USP1: variants seen among roughly 807,000 people sequenced by gnomAD.
The protein encoded by USP1 is ubiquitin carboxyl-terminal hydrolase 1.
Under a neutral mutation model 72.2 loss-of-function variants are expected in USP1, and 18 were observed. The ratio of observed to expected loss-of-function variants is 0.25; its 90% CI spans 0.17 to 0.37. USP1 has a LOEUF of 0.37. Among genes scored for constraint, USP1 ranks in the 10% least tolerant of loss-of-function variants. The pLI is 1.00. For missense variants in USP1, 759 were observed against 884.9 expected, an observed-to-expected ratio of 0.86 and a Z score of 1.81; for synonymous variants, 354 against 303.7, an observed-to-expected ratio of 1.17 and a Z score of -1.72.
At position 62,440,810 on chromosome 1, in the gene USP1, G is replaced by GT. The variant is rs879438380; in HGVS notation, c.171-671dup. 7.7e-3 allele frequency among the ~76,000 whole-genome samples: 1,168 copies of GT among 151,616 alleles called. 8 individuals are homozygous for GT. The highest frequency in any genetic ancestry group is 0.012 in the Non-Finnish European group (814 of 67,908). ...ATGAAAATATTGGAAGGACCTAGTG[G>GT]TTTTTTTGTTGTTGTTGTTAAAGAA... On this transcript the variant is annotated intron_variant, in intron 2 of 8. Coordinates refer to ENST00000339950, the MANE Select transcript of USP1 (RefSeq NM_003368.5).
intron 7 of USP1, among the ~76,000 whole-genome samples, chr1:62,448,108 A>G (rs577384004): frequency 6.6e-5 from 10 of 152,300 alleles, no homozygotes; most frequent in African/African-American, 2.2e-4. Context: ...TTTTAACACA[A>G]TAATTGAGCC....
In USP1 at chr1:62,439,894, T is replaced by A. The variant is rs780740444; in HGVS notation, c.27T>A (p.Ser9Arg). MPGVIPSE[S>R]NGLSRGSPSK... is the part of the protein sequence containing the mutation. ...TGCCTGGTGTCATACCTAGTGAAAG[T>A]AATGGACTTTCAAGAGGTAGCCCTT... is the stretch of plus-strand genomic sequence containing the variant. The change falls in exon 2 of 9, where the codon AGT becomes AGA. Residue 9 changes from serine to arginine, a missense_variant. Physicochemically the swap from Ser to Arg is moderately radical, Grantham distance 110. Coordinates refer to ENST00000339950, the MANE Select transcript of USP1 (RefSeq NM_003368.5). The A allele has an allele frequency of 6.6e-7, 1 of 1,517,748 alleles. No individual in the cohort carries two copies. Among genetic ancestry groups the A allele is most frequent in the South Asian group, 1.3e-5 (1 of 74,514 alleles). 94.0% of individuals were successfully genotyped at this position (1,517,748 alleles called of 1,614,324 possible). A position where few individuals can be genotyped will look rare whatever the true frequency, so the allele number is the denominator to read the frequency against.
intron 7 of USP1, among the ~76,000 whole-genome samples, chr1:62,447,815 C>T (rs1033537289): frequency 3.3e-5 from 5 of 152,024 alleles, no homozygotes; most frequent in Non-Finnish European, 7.4e-5. Flanking sequence ...GAGATGGAGT[C>T]TTGCTCGGTT....
upstream of USP1, chr1:62,436,775 A>C (rs950455568): frequency 4.5e-6 from 1 of 224,072 alleles, no homozygotes; most frequent in African/African-American, 2.3e-5. Flanking sequence ...GGCCGCTAGC[A>C]CCTCGCGCGC....
rs759479206 is a variant in USP1, at chr1:62,450,512, A to T, written c.1889A>T (p.Glu630Val). 1 of 1,614,106 alleles carries T rather than the reference A, an allele frequency of 6.2e-7. No homozygotes were observed. Among genetic ancestry groups the T allele is most frequent in the South Asian group, 1.1e-5 (1 of 91,082 alleles). ...EIGKPEPLNE[E>V]EARGVVENYN... Reference sequence around the variant, plus strand: ...GGTAAGCCAGAACCATTGAATGAGGAGGAAGCAAGGGGTGTGGTTGAGAAT... The same window carrying T: ...GGTAAGCCAGAACCATTGAATGAGGTGGAAGCAAGGGGTGTGGTTGAGAAT... The change falls in exon 9 of 9, where the codon GAG becomes GTG. Residue 630 changes from glutamate (E) to valine (V), a missense_variant. By Grantham distance (121) the Glu-to-Val change is moderately radical. Transcript: ENST00000339950.
intron 6 of USP1, among the ~76,000 whole-genome samples, chr1:62,446,976 G>A (rs376446576): frequency 5.3e-5 from 8 of 151,870 alleles, no homozygotes; most frequent in Non-Finnish European, 2.9e-5. Context: ...CACCACACCC[G>A]GCTAATTTTG....
chr1:62,444,569 C>G (rs1368184587), intron 5 of USP1, among the ~76,000 whole-genome samples, 169 bp from the exon 6 acceptor site: 1 of 152,110 alleles, frequency 6.6e-6, no homozygotes, highest in East Asian at 1.9e-4. Flanking sequence ...ACAATTTACT[C>G]TTACTTTTAG....
At chr1:62,442,661 A>G (rs1337610637) in intron 4 of USP1, among the ~76,000 whole-genome samples, 1 of 152,230 alleles carries the variant, frequency 6.6e-6, no homozygotes, top group African/African-American at 2.4e-5. Context: ...CATAATTAAA[A>G]AACCATTGTA....
At chr1:62,444,037 T>G (rs593519) in intron 5 of USP1, among the ~76,000 whole-genome samples, 2,412 of 151,832 alleles carry the variant, frequency 0.016, 71 homozygotes, top group African/African-American at 0.055. Context: ...GGTAGGTGGG[T>G]CATTTGAGGT....
intron 5 of USP1, among the ~76,000 whole-genome samples, chr1:62,444,302 A>T (rs1319432375): frequency 6.7e-6 from 1 of 149,662 alleles, no homozygotes; most frequent in East Asian, 2.0e-4. Flanking sequence ...CGTGGTGGCC[A>T]AGAGCGGGTT....
At position 62,448,746 on chromosome 1, in the gene USP1, A is replaced by G. The variant is rs1441523557; in HGVS notation, c.1622+80A>G. ...GTCTTGTTCAAAATGCTGTAATAGT[A>G]GGAATATAAAGTACTGAAATGAAGT... On this transcript the variant is annotated intron_variant, in intron 8 of 8. Coordinates refer to ENST00000339950, the MANE Select transcript of USP1 (RefSeq NM_003368.5). 4 of 1,365,742 alleles carry G rather than the reference A, an allele frequency of 2.9e-6. No individual in the cohort carries two copies. The African/African-American group carries it at 4.3e-5, about 15-fold the overall frequency. The allele number at this position is 1,365,742 out of a possible 1,614,324, so 84.6% of individuals were successfully genotyped here.
Position 62,439,390 on chromosome 1 carries a change from G to A in USP1, c.-69-409G>A, listed in dbSNP as rs1645116374. Among the ~76,000 whole-genome samples, 3 of 152,086 alleles carry A rather than the reference G, an allele frequency of 2.0e-5. 1 individual carries two copies. The highest frequency in any genetic ancestry group is 2.0e-4 in the Admixed American group (3 of 15,262). On this transcript the variant is annotated intron_variant, in intron 1 of 8. Coordinates refer to ENST00000339950, the MANE Select transcript of USP1 (RefSeq NM_003368.5). ...AGTAGAGATGGGGTTTCACCATGTT[G>A]GTCAGGCTGGTCTCGAACTCCTGAC...
intron 4 of USP1, 61 bp from the exon 5 acceptor site, chr1:62,443,096 CAA>C (rs758608306): frequency 6.5e-7 from 1 of 1,526,766 alleles, no homozygotes; most frequent in East Asian, 2.3e-5. Context: ...GAGACAAAGA[CAA>C]AGGGGGAAGG....
chr1:62,439,871 C>A lies in USP1; in HGVS notation c.4C>A (p.Pro2Thr). 7.1e-7 allele frequency: 1 copy of A among 1,406,438 alleles called. No homozygotes were observed. The highest frequency in any genetic ancestry group is 1.5e-5 in the African/African-American group (1 of 67,796). 87.1% of individuals were successfully genotyped at this position (1,406,438 alleles called of 1,614,324 possible). A position where few individuals can be genotyped will look rare whatever the true frequency, so the allele number is the denominator to read the frequency against. The change falls in exon 2 of 9, where the codon CCT (proline) becomes ACT (threonine). Residue 2 changes from proline (P) to threonine (T), a missense_variant. Coordinates refer to ENST00000339950, the MANE Select transcript of USP1 (RefSeq NM_003368.5). MPGVIPSESNGL... is the reference protein window; with the variant it reads MTGVIPSESNGL... ...TCCTTGGGATTTGAAGAAAAAAATGCCTGGTGTCATACCTAGTGAAAGTAA... is the reference window on the plus strand; with the variant it reads ...TCCTTGGGATTTGAAGAAAAAAATGACTGGTGTCATACCTAGTGAAAGTAA...
Position 62,450,865 on chromosome 1 carries a change from T to C in USP1, c.2242T>C (p.Leu748=), listed in dbSNP as rs1049531931. ...QSLKEYEGKW[L]LFDDSEVKVT... is the part of the protein sequence containing the mutation. ...CTTAAAGGAGTATGAGGGGAAGTGG[T>C]TGCTTTTTGATGATTCTGAAGTCAA... is the stretch of plus-strand genomic sequence containing the variant. Residue 748 remains leucine, a synonymous_variant, in exon 9 of 9, where the codon TTG becomes CTG. Transcript: ENST00000339950. The C allele has an allele frequency of 6.2e-6, 10 of 1,614,094 alleles. No individual in the cohort carries two copies. The highest frequency in any genetic ancestry group is 8.5e-6 in the Non-Finnish European group (10 of 1,179,980).
Position 62,450,903 on chromosome 1 carries a change from G to A in USP1, c.2280G>A (p.Glu760=). Residue 760 remains glutamate, a synonymous_variant, in exon 9 of 9, where the codon GAG becomes GAA. Transcript: ENST00000339950. ...FDDSEVKVTE[E]KDFLNSLSPS... Reference sequence around the variant, plus strand: ...ATTCTGAAGTCAAAGTTACTGAAGAGAAGGACTTTCTGAATTCTCTTTCCC... The same window carrying A: ...ATTCTGAAGTCAAAGTTACTGAAGAAAAGGACTTTCTGAATTCTCTTTCCC... 6.2e-7 allele frequency: 1 copy of A among 1,613,870 alleles called. No homozygotes were observed. Among genetic ancestry groups the A allele is most frequent in the Non-Finnish European group, 8.5e-7 (1 of 1,179,924 alleles).
At chr1:62,448,279 T>C (rs974555269) in intron 7 of USP1, among the ~76,000 whole-genome samples, 186 bp from the exon 8 acceptor site, 1 of 152,220 alleles carries the variant, frequency 6.6e-6, no homozygotes, top group African/African-American at 2.4e-5. Context: ...ATCAAATATA[T>C]TTAAAAGGTA....
rs113084143 is a variant in USP1 at position 62,442,182 on chromosome 1, T to A, written c.292-13T>A. ...TGTTCAGTAAACACTTAAGACAATC[T>A]CACTTTTTATAGGTATTATATTTTT... On this transcript the variant is annotated splice_polypyrimidine_tract_variant and intron_variant, in intron 3 of 8. Coordinates refer to ENST00000339950, the MANE Select transcript of USP1 (RefSeq NM_003368.5). 1.3e-6 allele frequency: 2 copies of A among 1,507,168 alleles called. No individual in the cohort carries two copies. The highest frequency in any genetic ancestry group is 1.8e-6 in the Non-Finnish European group (2 of 1,095,494). 93.4% of individuals were successfully genotyped at this position (1,507,168 alleles called of 1,614,324 possible). A position where few individuals can be genotyped will look rare whatever the true frequency, so the allele number is the denominator to read the frequency against.
intron 7 of USP1, 60 bp downstream of exon 7, chr1:62,447,571 A>G: frequency 6.5e-7 from 1 of 1,543,738 alleles, no homozygotes; most frequent in East Asian, 2.3e-5. Context: ...CTTTAACAAC[A>G]CAAAGTTTAA....
Sources: allele counts gnomAD v4.1 joint callset (sites outside exome capture counted in the v4.1 genomes callset), GRCh38; gene constraint gnomAD v4.1.1; transcripts MANE v1.5; gene names NCBI Gene and HGNC (gene_info 2026-07-23, HGNC 2026-07-21).